The following NR2C2 variants were observed in gnomAD, a reference collection of about 807,000 sequenced individuals.
NR2C2 encodes the protein Nuclear hormone receptor TR4.
In NR2C2, 6 loss-of-function variants were observed where a neutral mutation model predicts 62.9. That is an observed-to-expected ratio of 0.10 (90% CI 0.05 to 0.19). The LOEUF is 0.19. Ranked by LOEUF, NR2C2 falls within the 10% of genes least tolerant of loss-of-function variation. The probability of loss-of-function intolerance (pLI) is 1.00; values close to 1 mark genes in which losing one functional copy is unlikely to be tolerated. For synonymous variants in NR2C2, 272 were observed against 273.8 expected (o/e 0.99, Z 0.07); for missense variants, 479 against 762.7 (o/e 0.63, Z 4.38).
intron 1 of NR2C2, among the ~76,000 whole-genome samples, chr3:14,988,010 T>C (rs748220295): frequency 1.1e-4 from 17 of 152,246 alleles, no homozygotes; most frequent in Non-Finnish European, 2.2e-4. Context: ...TTGGGACATA[T>C]AAATTGCTTT....
intron 1 of NR2C2, among the ~76,000 whole-genome samples, chr3:14,989,172 T>A (rs2125358419): frequency 6.6e-6 from 1 of 152,318 alleles, no homozygotes; most frequent in East Asian, 1.9e-4. Context: ...GGTGTTAGTT[T>A]CAGCCTCACC....
chr3:14,976,258 C>G (rs1264899520), intron 1 of NR2C2, among the ~76,000 whole-genome samples: 1 of 152,146 alleles, frequency 6.6e-6, no homozygotes, highest in Admixed American at 6.6e-5. Flanking sequence ...GATGAAGAGA[C>G]TTTAGTGTTC....
chr3:15,017,666 T>C (rs2041548598), intron 4 of NR2C2, among the ~76,000 whole-genome samples: 1 of 152,156 alleles, frequency 6.6e-6, no homozygotes, highest in Admixed American at 6.5e-5. Flanking sequence ...CTCAAAGGGA[T>C]AGAGAACTCA....
intron 1 of NR2C2, among the ~76,000 whole-genome samples, chr3:14,970,848 C>A (rs2040014794): frequency 6.6e-6 from 1 of 152,180 alleles, no homozygotes; most frequent in African/African-American, 2.4e-5. Flanking sequence ...AGTTGGTACT[C>A]AACTTATGAT....
intron 1 of NR2C2, among the ~76,000 whole-genome samples, chr3:14,984,324 A>G (rs147826255): frequency 1.4e-3 from 219 of 151,544 alleles, no homozygotes; most frequent in African/African-American, 5.2e-3. Context: ...TGTCTTTATT[A>G]TTTTCTTCCT....
intron 2 of NR2C2, among the ~76,000 whole-genome samples, chr3:15,011,547 G>A (rs2041353124): frequency 6.6e-6 from 1 of 152,128 alleles, no homozygotes; most frequent in Admixed American, 6.5e-5. Context: ...AAGGTTTTCT[G>A]TCTCATGTTT....
chr3:14,952,985 G>A (rs1365224362), intron 1 of NR2C2, among the ~76,000 whole-genome samples: 9 of 152,236 alleles, frequency 5.9e-5, no homozygotes, highest in African/African-American at 1.9e-4. Flanking sequence ...GGGCATTGGC[G>A]TAGGCATTTG....
chr3:14,983,288 C>G (rs2040424873), intron 1 of NR2C2, among the ~76,000 whole-genome samples: 1 of 152,146 alleles, frequency 6.6e-6, no homozygotes, highest in Non-Finnish European at 1.5e-5. Flanking sequence ...ATTCCATTCT[C>G]TATCTCCATG....
chr3:15,018,584 C>G (rs150224620), intron 4 of NR2C2, among the ~76,000 whole-genome samples: 1 of 152,260 alleles, frequency 6.6e-6, no homozygotes, highest in East Asian at 1.9e-4. Context: ...TATAATCAGG[C>G]TGGGTGCAGT....
intron 1 of NR2C2, among the ~76,000 whole-genome samples, chr3:14,971,995 G>T (rs2040055311): frequency 6.6e-6 from 1 of 151,368 alleles, no homozygotes; most frequent in Non-Finnish European, 1.5e-5. Flanking sequence ...TTTTAGTAGA[G>T]ACGGGGTATC....
In NR2C2 at chr3:15,042,954, C is replaced by T. The variant is rs749376188; in HGVS notation, c.1737C>T (p.Ile579=). Residue 579 remains isoleucine, a synonymous_variant, in exon 14 of 14, where the codon ATC becomes ATT. Transcript: ENST00000425241. ...NVSIDSIIPY[I]LKMETAEYNG... is the part of the protein sequence containing the mutation. ...CGATAGACAGCATAATCCCCTACAT[C>T]CTCAAGATGGAGACAGCAGAGTATA... The T allele has an allele frequency of 4.3e-6, 7 of 1,614,096 alleles. No homozygotes were observed. The African/African-American group carries it at 5.3e-5, about 12-fold the overall frequency.
chr3:14,982,037 C>T (rs1393070606), intron 1 of NR2C2, among the ~76,000 whole-genome samples: 1 of 152,124 alleles, frequency 6.6e-6, no homozygotes, highest in Non-Finnish European at 1.5e-5. Flanking sequence ...CTCACAAACA[C>T]ACCCAGGAAT....
intron 1 of NR2C2, chr3:14,948,260 C>G (rs1391231464): frequency 6.6e-6 from 1 of 152,618 alleles, no homozygotes; most frequent in Non-Finnish European, 1.5e-5. Flanking sequence ...CCTTATCCTC[C>G]TCCTCCTCCC....
intron 2 of NR2C2, among the ~76,000 whole-genome samples, chr3:15,005,539 T>C (rs1270395315): frequency 7.0e-6 from 1 of 142,418 alleles, no homozygotes; most frequent in Non-Finnish European, 1.5e-5. Flanking sequence ...TTTTTTTTTT[T>C]AGGAGAATCT....
intron 1 of NR2C2, among the ~76,000 whole-genome samples, chr3:14,999,187 A>T (rs1349202738): frequency 6.6e-6 from 1 of 152,154 alleles, no homozygotes; most frequent in East Asian, 1.9e-4. Context: ...GTGGTGGCTC[A>T]TGCCTATAAT....
chr3:14,993,632 T>TA (rs1427018730), intron 1 of NR2C2, among the ~76,000 whole-genome samples: 3 of 151,974 alleles, frequency 2.0e-5, no homozygotes, highest in African/African-American at 7.3e-5. Context: ...CACTAGAACA[T>TA]ACCTTTTTTC....
At chr3:15,029,834 TAG>T (rs564954880) in intron 8 of NR2C2, among the ~76,000 whole-genome samples, 2,196 of 120,750 alleles carry the variant, frequency 0.018, 61 homozygotes, top group African/African-American at 0.065. Context: ...GATAGATAGA[TAG>T]ATAGATATAG....
intron 6 of NR2C2, 33 bp downstream of exon 6, chr3:15,023,380 T>C (rs762938496): frequency 1.9e-6 from 3 of 1,611,586 alleles, no homozygotes; most frequent in Non-Finnish European, 2.5e-6. Flanking sequence ...AATCAGCCTT[T>C]GCAGCTGATG....
At chr3:14,976,602 CT>C (rs533538010) in intron 1 of NR2C2, among the ~76,000 whole-genome samples, 2,235 of 90,650 alleles carry the variant, frequency 0.025, 20 homozygotes, top group African/African-American at 0.061. Flanking sequence ...TCCTTCCTTC[CT>C]TTTTTTTTTT....
Sources: allele counts gnomAD v4.1 joint callset (sites outside exome capture counted in the v4.1 genomes callset), GRCh38; gene constraint gnomAD v4.1.1; transcripts MANE v1.5; gene names NCBI Gene and HGNC (gene_info 2026-07-23, HGNC 2026-07-21).